The following XKR4 variants were observed in gnomAD, a reference collection of about 807,000 sequenced individuals.
XKR4 encodes the protein XK related 4.
XKR4 carries 12 observed loss-of-function variants against 53.9 expected under a neutral mutation model. That is an observed-to-expected ratio of 0.22 (90% CI 0.14 to 0.36). The LOEUF (loss-of-function observed/expected upper bound fraction) is 0.36, where lower values mean the gene tolerates loss of function less well. Ranked by LOEUF, XKR4 falls within the 10% of genes least tolerant of loss-of-function variation. The pLI is 1.00. For synonymous variants in XKR4, 354 were observed against 362.4 expected (o/e 0.98, Z 0.26); for missense variants, 799 against 859.5 (o/e 0.93, Z 0.88).
In XKR4 at chr8:55,531,304, G is replaced by C. The variant is rs1806949983; in HGVS notation, c.*7077G>C. The C allele has an allele frequency of 6.6e-6, 1 of 152,124 alleles. No homozygotes were observed. The highest frequency in any genetic ancestry group is 1.5e-5 in the Non-Finnish European group (1 of 68,032). The allele number at this position is 152,124 out of a possible 1,614,324, so 9.4% of individuals were successfully genotyped here. A position where few individuals can be genotyped will look rare whatever the true frequency, so the allele number is the denominator to read the frequency against. ...CATGCTACTGTACCGAATACTGTAG[G>C]CAACTGTAACACCATGGTAAGTACT... On this transcript the variant is annotated 3_prime_UTR_variant, in exon 3 of 3. Coordinates refer to ENST00000327381, the MANE Select transcript of XKR4 (RefSeq NM_052898.2).
chr8:55,384,893 T>C (rs1381913327), intron 2 of XKR4, among the ~76,000 whole-genome samples: 1 of 152,204 alleles, frequency 6.6e-6, no homozygotes, highest in Non-Finnish European at 1.5e-5. Context: ...ACAGGTTCCA[T>C]GGATGAGCTC....
At chr8:55,268,551 A>G (rs1420283832) in intron 1 of XKR4, among the ~76,000 whole-genome samples, 1 of 152,200 alleles carries the variant, frequency 6.6e-6, no homozygotes, top group Admixed American at 6.5e-5. Context: ...TTTACTACAT[A>G]TCTACCAAAA....
chr8:55,422,921 A>AT (rs1349140231), intron 2 of XKR4, among the ~76,000 whole-genome samples: 1 of 152,188 alleles, frequency 6.6e-6, no homozygotes, highest in Non-Finnish European at 1.5e-5. Flanking sequence ...TCTCTGTGAC[A>AT]TCAATACAGA....
At chr8:55,417,426 A>G (rs1804867050) in intron 2 of XKR4, among the ~76,000 whole-genome samples, 1 of 152,248 alleles carries the variant, frequency 6.6e-6, no homozygotes, top group South Asian at 2.1e-4. Flanking sequence ...CTCTGGCACA[A>G]GGTAGACAAA....
At chr8:55,146,270 G>A (rs1030325002) in intron 1 of XKR4, among the ~76,000 whole-genome samples, 3 of 152,216 alleles carry the variant, frequency 2.0e-5, no homozygotes, top group Non-Finnish European at 4.4e-5. Context: ...CATGAGCTTG[G>A]CAGAGATGAC....
At chr8:55,281,042 A>G (rs185815907) in intron 1 of XKR4, among the ~76,000 whole-genome samples, 6 of 152,318 alleles carry the variant, frequency 3.9e-5, no homozygotes, top group African/African-American at 1.4e-4. Context: ...CTGGGAAGAA[A>G]GACAGGTCTT....
At chr8:55,111,664 C>T (rs1156735275) in intron 1 of XKR4, among the ~76,000 whole-genome samples, 2 of 152,170 alleles carry the variant, frequency 1.3e-5, no homozygotes, top group African/African-American at 4.8e-5. Flanking sequence ...TCTTCCGTGT[C>T]ACTGATTCTA....
chr8:55,487,752 C>T (rs1425649279), intron 2 of XKR4, among the ~76,000 whole-genome samples: 6 of 152,148 alleles, frequency 3.9e-5, no homozygotes, highest in African/African-American at 7.2e-5. Flanking sequence ...TGATTACAGG[C>T]GTAAGCCACT....
intron 1 of XKR4, among the ~76,000 whole-genome samples, chr8:55,217,096 G>A (rs996749170): frequency 3.3e-5 from 5 of 151,852 alleles, no homozygotes; most frequent in African/African-American, 1.2e-4. Context: ...CAAAAACTTA[G>A]CCGGGCGTGG....
chr8:55,109,456 A>AC (rs1262574831), intron 1 of XKR4, among the ~76,000 whole-genome samples: 1 of 152,198 alleles, frequency 6.6e-6, no homozygotes, highest in Non-Finnish European at 1.5e-5. Flanking sequence ...CTGGAGCATC[A>AC]CAAATCCATA....
intron 1 of XKR4, among the ~76,000 whole-genome samples, chr8:55,315,364 G>A (rs968177033): frequency 3.9e-5 from 6 of 152,172 alleles, no homozygotes; most frequent in South Asian, 2.1e-4. Context: ...GTCAGTGTCC[G>A]TGAGGAGCAT....
chr8:55,461,670 C>A (rs953996285), intron 2 of XKR4, among the ~76,000 whole-genome samples: 17 of 152,136 alleles, frequency 1.1e-4, no homozygotes, highest in Non-Finnish European at 7.3e-5. Context: ...GAACATCAAA[C>A]TACTCTGAGC....
rs1031673661 is a variant in XKR4, at chr8:55,529,768, A to G, written c.*5541A>G. Reference sequence around the variant, plus strand: ...AAACAGAATCATGGTCTGATGATCAAATTTTTCCAAGAAAATTTTATTTAA... The same window carrying G: ...AAACAGAATCATGGTCTGATGATCAGATTTTTCCAAGAAAATTTTATTTAA... On this transcript the variant is annotated 3_prime_UTR_variant, in exon 3 of 3. Transcript: ENST00000327381. 2.0e-5 allele frequency: 3 copies of G among 152,172 alleles called. No homozygotes were observed. Among genetic ancestry groups the G allele is most frequent in the South Asian group, 4.1e-4 (2 of 4,824 alleles). 9.4% of individuals were successfully genotyped at this position (152,172 alleles called of 1,614,324 possible). A position where few individuals can be genotyped will look rare whatever the true frequency, so the allele number is the denominator to read the frequency against.
intron 2 of XKR4, among the ~76,000 whole-genome samples, chr8:55,417,073 T>G (rs1254609877): frequency 1.3e-5 from 2 of 152,154 alleles, no homozygotes; most frequent in Non-Finnish European, 2.9e-5. Context: ...GAGCCAGGCA[T>G]CAGAGGTGTT....
rs985253703 is a variant in XKR4 at position 55,542,028 on chromosome 8, G to C, written c.*17801G>C. On this transcript the variant is annotated 3_prime_UTR_variant, in exon 3 of 3. Transcript: ENST00000327381. ...CATGGTTTTTCTTGTAAAACTTAAA[G>C]AAAAAAAAAGAAAACTTGAAATTTT... The C allele has an allele frequency of 1.4e-5, 2 of 146,730 alleles. No individual in the cohort carries two copies. The highest frequency in any genetic ancestry group is 6.8e-5 in the Admixed American group (1 of 14,730). The allele number at this position is 146,730 out of a possible 1,614,324, so 9.1% of individuals were successfully genotyped here.
chr8:55,428,626 C>G (rs1163125273), intron 2 of XKR4, among the ~76,000 whole-genome samples: 1 of 152,218 alleles, frequency 6.6e-6, no homozygotes, highest in Non-Finnish European at 1.5e-5. Flanking sequence ...TCTCAACTCC[C>G]CCGTGTGTCA....
chr8:55,336,939 T>C (rs2129381540), intron 1 of XKR4, among the ~76,000 whole-genome samples: 1 of 152,328 alleles, frequency 6.6e-6, no homozygotes, highest in South Asian at 2.1e-4. Context: ...TGTATTTATT[T>C]CATAGCTGAA....
chr8:55,278,180 G>A (rs1177748852), intron 1 of XKR4, among the ~76,000 whole-genome samples: 3 of 151,580 alleles, frequency 2.0e-5, no homozygotes, highest in South Asian at 2.1e-4. Flanking sequence ...ACTAAAAATC[G>A]AAAAAAATTA....
At chr8:55,347,908 T>C (rs1245850582) in intron 1 of XKR4, among the ~76,000 whole-genome samples, 1 of 152,194 alleles carries the variant, frequency 6.6e-6, no homozygotes, top group East Asian at 1.9e-4. Context: ...ACTGAAGCTT[T>C]TCATTACTGT....
Sources: gnomAD v4.1 joint callset for allele counts (sites outside exome capture counted in the v4.1 genomes callset) on GRCh38, gnomAD v4.1.1 for gene constraint, MANE v1.5 for transcripts, NCBI Gene and HGNC (gene_info 2026-07-23, HGNC 2026-07-21) for gene names.